VSIG10L2: variants seen among roughly 807,000 people sequenced by gnomAD.
VSIG10L2 encodes the protein V-set and immunoglobulin domain-containing protein 10-like 2.
A neutral mutation model predicts 67.1 loss-of-function variants in VSIG10L2; 56 were observed. That is an observed-to-expected ratio of 0.83 (90% CI 0.67 to 1.04). The LOEUF is 1.04. Ranked by LOEUF, VSIG10L2 falls within the 50% of genes least tolerant of loss-of-function variation. VSIG10L2 has a pLI of 0.00. For synonymous variants in VSIG10L2, 360 were observed against 396.6 expected (o/e 0.91, Z 1.10); for missense variants, 843 against 932.8 (o/e 0.90, Z 1.25).
Position 125,947,959 on chromosome 11 carries a change from A to G in VSIG10L2, c.356A>G (p.His119Arg), listed in dbSNP as rs1591528503. 1.6e-6 allele frequency: 2 copies of G among 1,232,284 alleles called. No homozygotes were observed. Among genetic ancestry groups the G allele is most frequent in the Non-Finnish European group, 2.0e-6 (2 of 988,060 alleles). The allele number at this position is 1,232,284 out of a possible 1,614,324, so 76.3% of individuals were successfully genotyped here. The change falls in exon 2 of 12, where the codon CAC becomes CGC. Residue 119 changes from histidine to arginine, a missense_variant. His to Arg is a conservative substitution (Grantham distance 29). Transcript: ENST00000686984. ...LGELHEGARG[H>R]FLCQVLHVAG... ...GAGCTTCACGAGGGTGCCCGTGGCC[A>G]CTTCCTATGCCAGGTTCTGCACGTG...
intron 8 of VSIG10L2, 107 bp downstream of exon 8, chr11:125,954,490 C>A: frequency 1.0e-6 from 1 of 966,822 alleles, no homozygotes; most frequent in Non-Finnish European, 1.3e-6. Context: ...TGCTCGCATC[C>A]TACTGAATTC....
chr11:125,947,623 G>A, intron 1 of VSIG10L2, 63 bp from the exon 2 acceptor site: 1 of 1,232,018 alleles, frequency 8.1e-7, no homozygotes, highest in Non-Finnish European at 1.0e-6. Flanking sequence ...CTCCAGGCAA[G>A]GCAGGGAGTG....
At chr11:125,953,989 C>T in intron 7 of VSIG10L2, 98 bp from the exon 8 acceptor site, 1 of 1,056,472 alleles carries the variant, frequency 9.5e-7, no homozygotes. Flanking sequence ...GCCTTGTCCA[C>T]ACTGCCAGGC....
At chr11:125,948,984 G>A (rs1274582629) in intron 3 of VSIG10L2, among the ~76,000 whole-genome samples, 2 of 152,188 alleles carry the variant, frequency 1.3e-5, no homozygotes, top group East Asian at 1.9e-4. Flanking sequence ...CAGGAGCCCC[G>A]GGTGAAAGAT....
rs947084904 is a variant in VSIG10L2 at position 125,955,182 on chromosome 11, G to A, written c.2206+3G>A. The A allele has an allele frequency of 3.2e-5, 40 of 1,248,424 alleles. No individual in the cohort carries two copies. Among genetic ancestry groups the A allele is most frequent in the Non-Finnish European group, 4.0e-5 (40 of 997,954 alleles). The allele number at this position is 1,248,424 out of a possible 1,614,324, so 77.3% of individuals were successfully genotyped here. A position where few individuals can be genotyped will look rare whatever the true frequency, so the allele number is the denominator to read the frequency against. ...CCGGCACCCAGAGACTTTCCCCCGT[G>A]AGTGGGAATCGGAAGGGACGGGCTG... On this transcript the variant is annotated splice_donor_region_variant and intron_variant, in intron 9 of 11. Transcript: ENST00000686984.
At chr11:125,954,408 C>A in intron 8 of VSIG10L2, 25 bp downstream of exon 8, 1 of 1,232,006 alleles carries the variant, frequency 8.1e-7, no homozygotes, top group African/African-American at 1.6e-5. Context: ...CAGGGAGGGA[C>A]CCACCTTTTC....
Position 125,956,168 on chromosome 11 carries a change from C to T in VSIG10L2, c.*254C>T, listed in dbSNP as rs1033530700. ...AGGAAGAGGACCCACAATGGGGAGA[C>T]AGGGATCTCTGGGTGTCTGAGGGCA... On this transcript the variant is annotated 3_prime_UTR_variant, in exon 12 of 12. Coordinates refer to ENST00000686984, the MANE Select transcript of VSIG10L2 (RefSeq NM_001365077.2). 3.2e-6 allele frequency: 2 copies of T among 633,182 alleles called. No homozygotes were observed. The highest frequency in any genetic ancestry group is 4.2e-5 in the Admixed American group (2 of 47,724). 39.2% of individuals were successfully genotyped at this position (633,182 alleles called of 1,614,324 possible).
At chr11:125,951,704 T>TAATGAAGGAAGGAGGGAGTGAAGGAACC (rs1945374674) in intron 5 of VSIG10L2, 109 bp from the exon 6 acceptor site, 1 of 1,141,782 alleles carries the variant, frequency 8.8e-7, no homozygotes, top group Admixed American at 3.0e-5. Flanking sequence ...AGTGACAAAG[T>TAATGAAGGAAGGAGGGAGTGAAGGAACC]AATGAAGGAA....
In VSIG10L2 at chr11:125,947,690, G is replaced by A; in HGVS notation, c.87G>A (p.Gln29=). The change falls in exon 2 of 12, where the codon CAG becomes CAA. Residue 29 remains glutamine (Q), a synonymous_variant. Transcript: ENST00000686984. ...CTATGCCCCTTCTCTCCCCAGGCCA[G>A]CCCCACCCGACCCCCGAGGCCCCTG... ...LCLLHLRASG[Q]PHPTPEAPVE... The A allele has an allele frequency of 1.6e-6, 2 of 1,232,284 alleles. No homozygotes were observed. Among genetic ancestry groups the A allele is most frequent in the Non-Finnish European group, 2.0e-6 (2 of 988,136 alleles). 76.3% of individuals were successfully genotyped at this position (1,232,284 alleles called of 1,614,324 possible). A position where few individuals can be genotyped will look rare whatever the true frequency, so the allele number is the denominator to read the frequency against.
intron 3 of VSIG10L2, among the ~76,000 whole-genome samples, chr11:125,949,172 T>C (rs1370732346): frequency 2.0e-5 from 3 of 152,274 alleles, no homozygotes; most frequent in Admixed American, 2.0e-4. Flanking sequence ...TCTATATTGA[T>C]TATATATTGA....
chr11:125,954,945 A>G (rs534785926), intron 8 of VSIG10L2, 112 bp from the exon 9 acceptor site: 1 of 1,111,324 alleles, frequency 9.0e-7, no homozygotes, highest in Admixed American at 4.2e-5. Flanking sequence ...TGCAGGGGGA[A>G]CTGGATGAGC....
rs187523048 is a variant in VSIG10L2 at position 125,953,447 on chromosome 11, G to C, written c.1543G>C (p.Gly515Arg). The C allele has an allele frequency of 2.7e-4, 337 of 1,232,356 alleles. No homozygotes were observed. The East Asian group carries it at 3.5e-3, about 13-fold the overall frequency. 76.3% of individuals were successfully genotyped at this position (1,232,356 alleles called of 1,614,324 possible). The change falls in exon 7 of 12, where the codon GGG (glycine) becomes CGG (arginine). Residue 515 changes from glycine (G) to arginine (R), a missense_variant. By Grantham distance (125) the Gly-to-Arg change is moderately radical. Around this residue, in one of 2 missense-constraint regions of VSIG10L2, gnomAD observed 397 missense variants for 384.4 expected, o/e 1.03. Transcript: ENST00000686984. ...TGAGCCCCGCGTGTCAGTGTTGGAGGGGGGAGAGGCCTGGCTGGAGTGCTC... is the reference window on the plus strand; with the variant it reads ...TGAGCCCCGCGTGTCAGTGTTGGAGCGGGGAGAGGCCTGGCTGGAGTGCTC... ...VAEPRVSVLE[G>R]GEAWLECSLR...
At chr11:125,947,340 AC>A (rs1187828666) in intron 1 of VSIG10L2, 1 of 781,732 alleles carries the variant, frequency 1.3e-6, no homozygotes, top group Non-Finnish European at 1.6e-6. Flanking sequence ...CTGGGCCCTG[AC>A]CCCCTCACCA....
Position 125,950,927 on chromosome 11 carries a change from C to T in VSIG10L2, c.1003C>T (p.Pro335Ser). ...CCATCCAGATCCCCCTGAGGGACAG[C>T]CCTCCTGTGCAGTGCATCCCAGCCC... ...LTIYYPPEGQ[P>S]SCAVHPSPEA... The change falls in exon 5 of 12, where the codon CCC (proline) becomes TCC (serine). Residue 335 changes from proline (P) to serine (S), a missense_variant. Physicochemically the swap from Pro to Ser is moderately conservative, Grantham distance 74. Around this residue, in one of 2 missense-constraint regions of VSIG10L2, gnomAD observed 446 missense variants for 548.4 expected, o/e 0.81. Transcript: ENST00000686984. 1 of 1,232,510 alleles carries T rather than the reference C, an allele frequency of 8.1e-7. No homozygotes were observed. Among genetic ancestry groups the T allele is most frequent in the Non-Finnish European group, 1.0e-6 (1 of 988,248 alleles). The allele number at this position is 1,232,510 out of a possible 1,614,324, so 76.3% of individuals were successfully genotyped here. A position where few individuals can be genotyped will look rare whatever the true frequency, so the allele number is the denominator to read the frequency against.
intron 11 of VSIG10L2, 45 bp downstream of exon 11, chr11:125,955,712 C>CT (rs1473871279): frequency 2.0e-6 from 3 of 1,477,558 alleles, no homozygotes; most frequent in Non-Finnish European, 2.7e-6. Flanking sequence ...ACAAGGAGAC[C>CT]AGTGCTGGGT....
intron 8 of VSIG10L2, 36 bp from the exon 9 acceptor site, chr11:125,955,021 G>A: frequency 2.4e-6 from 3 of 1,233,272 alleles, no homozygotes; most frequent in Middle Eastern, 3.1e-4. Flanking sequence ...TTCTGCAGTG[G>A]CTCTAAACCA....
rs1241366194 is a variant in VSIG10L2 at position 125,948,689 on chromosome 11, C to T, written c.709+109C>T. 2.6e-6 allele frequency: 3 copies of T among 1,156,022 alleles called. No homozygotes were observed. The African/African-American group carries it at 4.8e-5, about 18-fold the overall frequency. 71.6% of individuals were successfully genotyped at this position (1,156,022 alleles called of 1,614,324 possible). A position where few individuals can be genotyped will look rare whatever the true frequency, so the allele number is the denominator to read the frequency against. On this transcript the variant is annotated intron_variant, in intron 3 of 11. Transcript: ENST00000686984. The stretch of plus-strand genomic sequence containing the variant: ...CCAAATCCCTCCACTGCAGGAGTGC[C>T]TCGCCCTCTAAAAGTCTCCAGCAGG...
chr11:125,955,926 G>A lies in VSIG10L2; in HGVS notation c.*12G>A, dbSNP rs1370486295. On this transcript the variant is annotated 3_prime_UTR_variant, in exon 12 of 12. Coordinates refer to ENST00000686984, the MANE Select transcript of VSIG10L2 (RefSeq NM_001365077.2). ...CTGCAACACCATAAGGCCCAAAGAG[G>A]AAGATGCAAATAGGCTTAGGGAGGG... The A allele has an allele frequency of 4.6e-6, 3 of 649,700 alleles. No homozygotes were observed. In the East Asian group the frequency reaches 8.1e-5, roughly 18 times the overall value. The allele number at this position is 649,700 out of a possible 1,614,324, so 40.2% of individuals were successfully genotyped here.
At chr11:125,954,519 C>A in intron 8 of VSIG10L2, 136 bp downstream of exon 8, 2 of 675,922 alleles carry the variant, frequency 3.0e-6, no homozygotes, top group Non-Finnish European at 4.2e-6. Flanking sequence ...CCAGCCCGTC[C>A]TCCTCTCTCT....
Sources: allele counts gnomAD v4.1 joint callset (sites outside exome capture counted in the v4.1 genomes callset), GRCh38; gene constraint gnomAD v4.1.1; regional missense constraint gnomAD v4.1.1; transcripts MANE v1.5; gene names NCBI Gene and HGNC (gene_info 2026-07-23, HGNC 2026-07-21).